Variants in CAST observed in about 807,000 individuals in gnomAD.
CAST encodes calpastatin.
A neutral mutation model predicts 119.6 loss-of-function variants in CAST; 76 were observed. The ratio of observed to expected loss-of-function variants is 0.64; its 90% CI spans 0.53 to 0.77. The LOEUF (loss-of-function observed/expected upper bound fraction) is 0.77, where lower values mean the gene tolerates loss of function less well. Among genes scored for constraint, CAST ranks in the 30% least tolerant of loss-of-function variants. The probability of loss-of-function intolerance (pLI) is 0.00; values close to 1 mark genes in which losing one functional copy is unlikely to be tolerated. For synonymous variants in CAST, 319 were observed against 331.6 expected (o/e 0.96, Z 0.41); for missense variants, 953 against 946.5 (o/e 1.01, Z -0.09).
the CAST span, among the ~76,000 whole-genome samples, chr5:96,366,385 G>A: frequency 3.3e-5 from 5 of 152,288 alleles, no homozygotes; most frequent in Non-Finnish European, 5.9e-5. Flanking sequence ...GCCTTGCTAG[G>A]TTGGGGAAGT....
At chr5:96,401,187 G>A in the CAST span, among the ~76,000 whole-genome samples, 4 of 151,112 alleles carry the variant, frequency 2.6e-5, no homozygotes, top group Admixed American at 6.6e-5. Flanking sequence ...ATAGCTTAAC[G>A]CATTGTGGGA....
the CAST span, among the ~76,000 whole-genome samples, chr5:96,293,195 A>G: frequency 2.0e-5 from 3 of 152,350 alleles, no homozygotes; most frequent in Admixed American, 2.0e-4. Flanking sequence ...GTGGAATGGC[A>G]GAAAATCTGT....
the CAST span, among the ~76,000 whole-genome samples, chr5:95,964,517 G>C: frequency 6.6e-6 from 1 of 152,194 alleles, no homozygotes; most frequent in African/African-American, 2.4e-5. Context: ...AATTTGGACG[G>C]TGTTGGTGAT....
intron 1 of CAST, among the ~76,000 whole-genome samples, chr5:96,553,031 A>G (rs1013376875): frequency 6.6e-6 from 1 of 152,232 alleles, no homozygotes; most frequent in Non-Finnish European, 1.5e-5. Context: ...ATCAATAGAA[A>G]TAGAGGGAAT....
the CAST span, among the ~76,000 whole-genome samples, chr5:96,468,862 C>T: frequency 3.9e-5 from 6 of 152,138 alleles, no homozygotes; most frequent in East Asian, 1.2e-3. Flanking sequence ...TTCCACTGGC[C>T]TTCCACAGCT....
At chr5:96,003,980 G>A in the CAST span, among the ~76,000 whole-genome samples, 2 of 152,118 alleles carry the variant, frequency 1.3e-5, no homozygotes, top group African/African-American at 2.4e-5. Context: ...GACAGCTCCC[G>A]CTTTTAAAAT....
At chr5:96,233,488 T>G in the CAST span, among the ~76,000 whole-genome samples, 1 of 152,102 alleles carries the variant, frequency 6.6e-6, no homozygotes, top group African/African-American at 2.4e-5. Flanking sequence ...ATAAAAAAAT[T>G]GATTCACAGA....
chr5:96,341,031 G>A, the CAST span, among the ~76,000 whole-genome samples: 1 of 152,158 alleles, frequency 6.6e-6, no homozygotes, highest in Non-Finnish European at 1.5e-5. Flanking sequence ...AACAGAAATA[G>A]TTCAGTAGAG....
At chr5:96,568,743 T>A (rs1746521735) in intron 1 of CAST, among the ~76,000 whole-genome samples, 1 of 151,894 alleles carries the variant, frequency 6.6e-6, no homozygotes, top group Non-Finnish European at 1.5e-5. Context: ...TTTTTCCTTG[T>A]TGGACAGGGG....
intron 7 of CAST, 105 bp downstream of exon 7, chr5:96,729,314 A>G: frequency 2.9e-6 from 2 of 684,888 alleles, no homozygotes; most frequent in Non-Finnish European, 5.1e-6. Context: ...GGATAGTTGG[A>G]TATTAGTTTT....
chr5:96,053,126 G>A, the CAST span, among the ~76,000 whole-genome samples: 8 of 152,114 alleles, frequency 5.3e-5, no homozygotes, highest in Non-Finnish European at 1.2e-4. Context: ...TAAGGATCTG[G>A]TCTTTTAATG....
At chr5:96,364,066 C>T in the CAST span, among the ~76,000 whole-genome samples, 1 of 152,060 alleles carries the variant, frequency 6.6e-6, no homozygotes, top group African/African-American at 2.4e-5. Flanking sequence ...TTGTCGAAGG[C>T]CTTTTCTGTA....
chr5:96,093,385 G>C, the CAST span, among the ~76,000 whole-genome samples: 1 of 152,250 alleles, frequency 6.6e-6, no homozygotes. Context: ...GGCTTTGTGT[G>C]CATTTGGAGA....
chr5:96,490,099 G>A, the CAST span, among the ~76,000 whole-genome samples: 1 of 152,164 alleles, frequency 6.6e-6, no homozygotes, highest in African/African-American at 2.4e-5. Flanking sequence ...ACTGGCAAGG[G>A]CCATATAAGT....
At chr5:96,413,963 C>CAAA in the CAST span, among the ~76,000 whole-genome samples, 192 of 22,422 alleles carry the variant, frequency 8.6e-3, 5 homozygotes, top group African/African-American at 0.017. Flanking sequence ...ACTAAAAATA[C>CAAA]AAAAAAAAAA....
chr5:96,398,820 A>T, the CAST span: 1 of 1,289,622 alleles, frequency 7.8e-7, no homozygotes, highest in Non-Finnish European at 1.1e-6. Flanking sequence ...GCAATCAGTT[A>T]TTTGAATCAT....
the CAST span, among the ~76,000 whole-genome samples, chr5:96,324,333 C>A: frequency 1.3e-5 from 2 of 152,246 alleles, no homozygotes; most frequent in Admixed American, 1.3e-4. Flanking sequence ...GAGACTCCAA[C>A]AATCTTACTA....
At chr5:96,244,458 A>G in the CAST span, among the ~76,000 whole-genome samples, 1 of 152,240 alleles carries the variant, frequency 6.6e-6, no homozygotes, top group Non-Finnish European at 1.5e-5. Context: ...AAGTTGGAAA[A>G]TGAAAAATTA....
At chr5:96,015,082 C>A in the CAST span, among the ~76,000 whole-genome samples, 1 of 152,142 alleles carries the variant, frequency 6.6e-6, no homozygotes, top group Admixed American at 6.5e-5. Flanking sequence ...TAAGTAACTT[C>A]TCTCAGTTCA....
Sources: allele counts gnomAD v4.1 joint callset (sites outside exome capture counted in the v4.1 genomes callset), GRCh38; gene constraint gnomAD v4.1.1; transcripts MANE v1.5; gene names NCBI Gene and HGNC (gene_info 2026-07-23, HGNC 2026-07-21).